The following TBC1D5 variants were observed in gnomAD, a reference collection of about 807,000 sequenced individuals.
TBC1D5 encodes the protein TBC1 domain family, member 5.
In TBC1D5, 75 loss-of-function variants were observed where a neutral mutation model predicts 100.3. The ratio of observed to expected loss-of-function variants is 0.75; its 90% CI spans 0.62 to 0.91. The LOEUF (loss-of-function observed/expected upper bound fraction) is 0.91, where lower values mean the gene tolerates loss of function less well. Among genes scored for constraint, TBC1D5 ranks in the 40% least tolerant of loss-of-function variants. The pLI, the probability that TBC1D5 is intolerant of heterozygous loss-of-function variation, is 0.00. For synonymous variants in TBC1D5, 323 were observed against 325.6 expected, an observed-to-expected ratio of 0.99 and a Z score of 0.09; for missense variants, 910 against 942.4, an observed-to-expected ratio of 0.97 and a Z score of 0.45.
At chr3:17,591,233 C>CAAAAAAAAAAAAAAAAAAAAAAAAAAA (rs60889092) in intron 2 of TBC1D5, among the ~76,000 whole-genome samples, 4 of 18,664 alleles carry the variant, frequency 2.1e-4, no homozygotes, top group Non-Finnish European at 2.8e-4. Flanking sequence ...AAGGATCTGT[C>CAAAAAAAAAAAAAAAAAAAAAAAAAAA]AAAAAAAAAA....
chr3:17,203,929 T>G (rs1490534345), intron 18 of TBC1D5, among the ~76,000 whole-genome samples: 2 of 152,226 alleles, frequency 1.3e-5, no homozygotes, highest in Non-Finnish European at 2.9e-5. Flanking sequence ...GCTCTAGCTA[T>G]GAGGAACAAC....
chr3:17,406,216 T>C (rs977362264), intron 5 of TBC1D5, among the ~76,000 whole-genome samples: 9 of 152,118 alleles, frequency 5.9e-5, no homozygotes, highest in Non-Finnish European at 1.0e-4. Context: ...ATGACTCTTT[T>C]ACCGTTATCA....
chr3:17,422,872 T>C (rs982153807), intron 4 of TBC1D5, among the ~76,000 whole-genome samples: 2 of 152,190 alleles, frequency 1.3e-5, no homozygotes, highest in Non-Finnish European at 2.9e-5. Context: ...ATTGATTATA[T>C]GCAAATAAGA....
At chr3:17,533,213 C>A (rs777949408) in intron 2 of TBC1D5, among the ~76,000 whole-genome samples, 2 of 152,088 alleles carry the variant, frequency 1.3e-5, no homozygotes, top group Non-Finnish European at 2.9e-5. Flanking sequence ...TTTCCCCATA[C>A]AATTAAAAGA....
intron 2 of TBC1D5, among the ~76,000 whole-genome samples, chr3:17,523,368 G>A (rs2096085059): frequency 6.6e-6 from 1 of 152,128 alleles, no homozygotes; most frequent in South Asian, 2.1e-4. Flanking sequence ...AGAAAATGCA[G>A]ACCACATAAT....
At chr3:17,678,080 G>C (rs1460567680) in intron 1 of TBC1D5, among the ~76,000 whole-genome samples, 1 of 152,076 alleles carries the variant, frequency 6.6e-6, no homozygotes, top group Non-Finnish European at 1.5e-5. Flanking sequence ...CATGGCACAT[G>C]TATACATATG....
At chr3:17,644,654 G>T (rs1368821527) in intron 1 of TBC1D5, among the ~76,000 whole-genome samples, 1 of 152,084 alleles carries the variant, frequency 6.6e-6, no homozygotes, top group Non-Finnish European at 1.5e-5. Context: ...ATATTAAAAT[G>T]ACTCAGAATC....
At chr3:17,585,054 G>C (rs1186455569) in intron 2 of TBC1D5, among the ~76,000 whole-genome samples, 2 of 152,136 alleles carry the variant, frequency 1.3e-5, no homozygotes, top group East Asian at 1.9e-4. Flanking sequence ...GCCTCCCAAA[G>C]TGCTGGGATT....
chr3:17,692,593 T>G (rs1382144566), intron 1 of TBC1D5, among the ~76,000 whole-genome samples: 2 of 152,250 alleles, frequency 1.3e-5, no homozygotes, highest in Admixed American at 1.3e-4. Flanking sequence ...GACCGTTTTT[T>G]AAATTGCCAA....
chr3:17,590,918 T>C (rs910356873), intron 2 of TBC1D5, among the ~76,000 whole-genome samples: 3 of 151,912 alleles, frequency 2.0e-5, no homozygotes, highest in African/African-American at 7.3e-5. Flanking sequence ...CTAGGTCAAA[T>C]GGGCAAAAGA....
intron 3 of TBC1D5, among the ~76,000 whole-genome samples, chr3:17,505,210 G>A (rs544676194): frequency 8.5e-4 from 129 of 152,066 alleles, no homozygotes; most frequent in African/African-American, 3.0e-3. Context: ...AATTTAAGGA[G>A]GTGAATTGAT....
At chr3:17,559,670 A>G (rs1576702049) in intron 2 of TBC1D5, among the ~76,000 whole-genome samples, 1 of 151,190 alleles carries the variant, frequency 6.6e-6, no homozygotes, top group Non-Finnish European at 1.5e-5. Flanking sequence ...GCTCACTGCA[A>G]CCTCCACGTC....
At chr3:17,234,836 C>T (rs2075732606) in intron 17 of TBC1D5, among the ~76,000 whole-genome samples, 1 of 152,090 alleles carries the variant, frequency 6.6e-6, no homozygotes, top group Admixed American at 6.6e-5. Flanking sequence ...GCATGGCCAG[C>T]TAATCCGGAA....
rs536715846 is a variant in TBC1D5 at position 17,407,418 on chromosome 3, T to C, written c.168-892A>G. Among the ~76,000 whole-genome samples, 149 of 152,270 alleles carry C rather than the reference T, an allele frequency of 9.8e-4. 1 individual carries two copies. Among genetic ancestry groups the C allele is most frequent in the African/African-American group, 3.4e-3 (141 of 41,562 alleles). On this transcript the variant is annotated intron_variant, in intron 4 of 21. Coordinates refer to ENST00000253692, the Ensembl canonical transcript of TBC1D5. Reference sequence around the variant, plus strand: ...ATGAAATTTCTCCCAAATTCCATCATATCACAATAAAATTTACATATAACT... The same window carrying C: ...ATGAAATTTCTCCCAAATTCCATCACATCACAATAAAATTTACATATAACT...
intron 19 of TBC1D5, among the ~76,000 whole-genome samples, chr3:17,172,155 TG>T (rs1342723094): frequency 6.6e-6 from 1 of 152,214 alleles, no homozygotes; most frequent in Non-Finnish European, 1.5e-5. Context: ...TCAACTAAGC[TG>T]ACTAGGCTCA....
chr3:17,725,292 C>T (rs2076029164), intron 1 of TBC1D5, among the ~76,000 whole-genome samples: 1 of 152,060 alleles, frequency 6.6e-6, no homozygotes, highest in Non-Finnish European at 1.5e-5. Flanking sequence ...TAAGTTACAG[C>T]TTGAGGGATT....
chr3:17,194,381 C>A (rs1056639595), intron 18 of TBC1D5, among the ~76,000 whole-genome samples: 5 of 152,130 alleles, frequency 3.3e-5, no homozygotes, highest in African/African-American at 1.2e-4. Flanking sequence ...TCCAGGAGAG[C>A]CTTCCAATCT....
At chr3:17,283,354 G>A (rs2080814605) in intron 15 of TBC1D5, among the ~76,000 whole-genome samples, 1 of 152,178 alleles carries the variant, frequency 6.6e-6, no homozygotes, top group South Asian at 2.1e-4. Flanking sequence ...TCTAGTACCT[G>A]ATGCAGTGAA....
intron 2 of TBC1D5, among the ~76,000 whole-genome samples, chr3:17,598,725 C>A (rs978879965): frequency 6.6e-6 from 1 of 152,162 alleles, no homozygotes; most frequent in Non-Finnish European, 1.5e-5. Context: ...AATAAGAGGG[C>A]AACACTATTT....
Sources: allele counts gnomAD v4.1 joint callset (sites outside exome capture counted in the v4.1 genomes callset), GRCh38; gene constraint gnomAD v4.1.1; transcripts MANE v1.5; gene names NCBI Gene and HGNC (gene_info 2026-07-23, HGNC 2026-07-21).